The following ST6GAL2 variants were observed in gnomAD, a reference collection of about 807,000 sequenced individuals.
ST6GAL2 encodes ST6 beta-galactoside alpha-2,6-sialyltransferase 2.
A neutral mutation model predicts 37.5 loss-of-function variants in ST6GAL2; 24 were observed. The ratio of observed to expected loss-of-function variants is 0.64; its 90% CI spans 0.46 to 0.90. The LOEUF (loss-of-function observed/expected upper bound fraction) is 0.90, where lower values mean the gene tolerates loss of function less well. ST6GAL2 is among the 40% of genes least tolerant of loss of function. The pLI, the probability that ST6GAL2 is intolerant of heterozygous loss-of-function variation, is 0.00. For missense variants in ST6GAL2, 715 were observed against 712.7 expected (o/e 1.00, Z -0.04); for synonymous variants, 306 against 295.1 (o/e 1.04, Z -0.38).
intron 1 of ST6GAL2, among the ~76,000 whole-genome samples, chr2:106,856,253 G>A (rs1677570783): frequency 6.6e-6 from 1 of 152,174 alleles, no homozygotes; most frequent in South Asian, 2.1e-4. Flanking sequence ...TAACTGCCTA[G>A]GATAATGGCA....
In ST6GAL2 at chr2:106,843,606, G is replaced by C; in HGVS notation, c.372C>G (p.Phe124Leu). Residue 124 changes from phenylalanine (F) to leucine (L), a missense_variant, in exon 2 of 6, where the codon TTC (phenylalanine) becomes TTG (leucine). Phe to Leu is a conservative substitution (Grantham distance 22). Coordinates refer to ENST00000409382, the MANE Select transcript of ST6GAL2 (RefSeq NM_001142351.2). ...AAAAGTAGTCGTCATCCTCCGGGTA[G>C]AAAGCACTTTGAGATTTTCTCCCCA... ...SQVGRKSQSA[F>L]YPEDDDYFFA... 1 of 1,614,022 alleles carries C rather than the reference G, an allele frequency of 6.2e-7. No individual in the cohort carries two copies. Among genetic ancestry groups the C allele is most frequent in the Non-Finnish European group, 8.5e-7 (1 of 1,180,026 alleles).
Position 106,806,744 on chromosome 2 carries a change from C to T in ST6GAL2, c.1524G>A (p.Lys508=), listed in dbSNP as rs1211602212. 3.7e-6 allele frequency: 6 copies of T among 1,614,174 alleles called. No homozygotes were observed. The highest frequency in any genetic ancestry group is 5.1e-6 in the Non-Finnish European group (6 of 1,180,040). ...CCGCCTGGAAGCCGGGAAGAACCAC[C>T]TTGCCCTTGCGATGCAAATCCCCCT... ...GTQGDLHRKG[K]VVLPGFQAVH... The change falls in exon 6 of 6, where the codon AAG becomes AAA. Residue 508 remains lysine (K), a synonymous_variant. Coordinates refer to ENST00000409382, the MANE Select transcript of ST6GAL2 (RefSeq NM_001142351.2).
chr2:106,818,691 T>C (rs1675894858), intron 5 of ST6GAL2, among the ~76,000 whole-genome samples: 1 of 151,544 alleles, frequency 6.6e-6, no homozygotes, highest in Non-Finnish European at 1.5e-5. Context: ...CCAGAAAACA[T>C]CCACAAGCCT....
At chr2:106,833,735 A>G (rs1227593529) in intron 3 of ST6GAL2, among the ~76,000 whole-genome samples, 1 of 152,126 alleles carries the variant, frequency 6.6e-6, no homozygotes, top group East Asian at 1.9e-4. Context: ...CATTTCTTCT[A>G]AATTTAACTT....
At chr2:106,821,327 T>C (rs1384951918) in intron 5 of ST6GAL2, among the ~76,000 whole-genome samples, 2 of 151,216 alleles carry the variant, frequency 1.3e-5, no homozygotes, top group Non-Finnish European at 3.0e-5. Flanking sequence ...GTCACAAAAA[T>C]CCAAAGGGTC....
intron 1 of ST6GAL2, among the ~76,000 whole-genome samples, chr2:106,869,906 C>T (rs1050988425): frequency 2.6e-5 from 4 of 152,206 alleles, no homozygotes. Context: ...GGCACCTGAC[C>T]TTTGAGCCAG....
intron 1 of ST6GAL2, among the ~76,000 whole-genome samples, chr2:106,865,403 G>C (rs1350922094): frequency 6.6e-6 from 1 of 152,146 alleles, no homozygotes; most frequent in Non-Finnish European, 1.5e-5. Context: ...GTGAAATGTG[G>C]CTACAAAACA....
At chr2:106,846,309 C>A (rs1677143424) in intron 1 of ST6GAL2, among the ~76,000 whole-genome samples, 1 of 151,830 alleles carries the variant, frequency 6.6e-6, no homozygotes, top group African/African-American at 2.4e-5. Context: ...ATTTATATAC[C>A]TATATATGTA....
intron 4 of ST6GAL2, among the ~76,000 whole-genome samples, chr2:106,830,695 G>C (rs1361025841): frequency 6.6e-6 from 1 of 152,140 alleles, no homozygotes; most frequent in Admixed American, 6.5e-5. Context: ...GGTGTAGTTT[G>C]TTGACCCCTG....
intron 1 of ST6GAL2, among the ~76,000 whole-genome samples, chr2:106,875,162 C>CT (rs1016653318): frequency 7.4e-5 from 11 of 148,372 alleles, no homozygotes; most frequent in African/African-American, 2.7e-4. Flanking sequence ...TATCACTTTA[C>CT]TTTTTTTGTT....
intron 5 of ST6GAL2, among the ~76,000 whole-genome samples, chr2:106,812,231 A>G (rs1219923402): frequency 6.6e-6 from 1 of 152,216 alleles, no homozygotes; most frequent in African/African-American, 2.4e-5. Context: ...TCAGGAAGAG[A>G]GGCCAAACTG....
chr2:106,828,254 A>T (rs956295788), intron 5 of ST6GAL2, among the ~76,000 whole-genome samples: 1 of 152,234 alleles, frequency 6.6e-6, no homozygotes, highest in Non-Finnish European at 1.5e-5. Context: ...ACATGAATTC[A>T]TGAGAGGGTG....
chr2:106,802,959 T>G lies in ST6GAL2; in HGVS notation c.*3719A>C, dbSNP rs574451410. 6.6e-6 allele frequency: 1 copy of G among 152,130 alleles called. No individual in the cohort carries two copies. The highest frequency in any genetic ancestry group is 1.5e-5 in the Non-Finnish European group (1 of 68,040). 9.4% of individuals were successfully genotyped at this position (152,130 alleles called of 1,614,324 possible). ...TGGCATTTGTGCGTATGAAATTCAA[T>G]CACATACTGGCACTCATCTAAGACT... On this transcript the variant is annotated 3_prime_UTR_variant, in exon 6 of 6. Transcript: ENST00000409382.
chr2:106,835,509 T>G (rs922807281), intron 2 of ST6GAL2, among the ~76,000 whole-genome samples: 3 of 152,248 alleles, frequency 2.0e-5, no homozygotes, highest in Non-Finnish European at 4.4e-5. Context: ...AATTCACTTT[T>G]GGAACATGTG....
chr2:106,867,213 A>G (rs1678068296), intron 1 of ST6GAL2, among the ~76,000 whole-genome samples: 1 of 152,140 alleles, frequency 6.6e-6, no homozygotes, highest in Non-Finnish European at 1.5e-5. Flanking sequence ...CTGTCACACA[A>G]CGTGGAAGCA....
In ST6GAL2 at chr2:106,804,305, C is replaced by T. The variant is rs1325733868; in HGVS notation, c.*2373G>A. ...CTGACCCCAATAAATTCTCCTCTAA[C>T]CAAGTTCTCATGTCAGCCAAGGGGG... On this transcript the variant is annotated 3_prime_UTR_variant, in exon 6 of 6. Coordinates refer to ENST00000409382, the MANE Select transcript of ST6GAL2 (RefSeq NM_001142351.2). 1.3e-5 allele frequency: 2 copies of T among 152,164 alleles called. No individual in the cohort carries two copies. The highest frequency in any genetic ancestry group is 1.3e-4 in the Admixed American group (2 of 15,274). The allele number at this position is 152,164 out of a possible 1,614,324, so 9.4% of individuals were successfully genotyped here.
At chr2:106,815,389 T>C (rs576380956) in intron 5 of ST6GAL2, among the ~76,000 whole-genome samples, 1 of 152,328 alleles carries the variant, frequency 6.6e-6, no homozygotes, top group South Asian at 2.1e-4. Context: ...CATAATTGTT[T>C]GATAATATCA....
intron 1 of ST6GAL2, among the ~76,000 whole-genome samples, chr2:106,856,450 A>C (rs1677579122): frequency 6.6e-6 from 1 of 152,196 alleles, no homozygotes; most frequent in South Asian, 2.1e-4. Flanking sequence ...TGAGTGTGGA[A>C]GGGAAAAGGG....
chr2:106,812,993 T>G, intron 5 of ST6GAL2: 1 of 1,191,616 alleles, frequency 8.4e-7, no homozygotes. Context: ...GCTGGACTTT[T>G]TGATAGGCAG....
Sources: allele counts gnomAD v4.1 joint callset (sites outside exome capture counted in the v4.1 genomes callset), GRCh38; gene constraint gnomAD v4.1.1; transcripts MANE v1.5; gene names NCBI Gene and HGNC (gene_info 2026-07-23, HGNC 2026-07-21).